TMED5: variants seen among roughly 807,000 people sequenced by gnomAD.
The protein encoded by TMED5 is transmembrane emp24 domain-containing protein 5.
A neutral mutation model predicts 23.0 loss-of-function variants in TMED5; 27 were observed. The ratio of observed to expected loss-of-function variants is 1.17; its 90% CI spans 0.86 to 1.62. The LOEUF is 1.62. Among genes scored for constraint, TMED5 ranks in the 40% most tolerant of loss-of-function variants. TMED5 has a pLI of 0.00. For missense variants in TMED5, 248 were observed against 273.7 expected, an observed-to-expected ratio of 0.91 and a Z score of 0.66; for synonymous variants, 97 against 100.8, an observed-to-expected ratio of 0.96 and a Z score of 0.23.
Position 93,152,230 on chromosome 1 carries a change from G to A in TMED5, c.*2440C>T, listed in dbSNP as rs1647906756. ...TTAGTGTGAGGTGAACACGGTAACTGCTACATTATGGAAATCGGTTGGGCC... is the reference window on the plus strand; with the variant it reads ...TTAGTGTGAGGTGAACACGGTAACTACTACATTATGGAAATCGGTTGGGCC... On this transcript the variant is annotated 3_prime_UTR_variant, in exon 4 of 4. Transcript: ENST00000370282. 6.6e-6 allele frequency: 1 copy of A among 152,566 alleles called. No homozygotes were observed. The highest frequency in any genetic ancestry group is 2.1e-4 in the South Asian group (1 of 4,838). 9.5% of individuals were successfully genotyped at this position (152,566 alleles called of 1,614,324 possible). A position where few individuals can be genotyped will look rare whatever the true frequency, so the allele number is the denominator to read the frequency against.
rs781430997 is a variant in TMED5, at chr1:93,180,214, G to A, written c.29C>T (p.Pro10Leu). The change falls in exon 1 of 4, where the codon CCC (proline) becomes CTC (leucine). Residue 10 changes from proline (P) to leucine (L), a missense_variant. Coordinates refer to ENST00000370282, the MANE Select transcript of TMED5 (RefSeq NM_016040.5). MGDKIWLPF[P>L]VLLLAALPPV... ...AGGCAGAGCGGCCAGAAGGAGCACG[G>A]GGAAGGGCAGCCAGATCTTGTCGCC... 6.8e-6 allele frequency: 11 copies of A among 1,612,682 alleles called. No homozygotes were observed. In the East Asian group the frequency reaches 8.9e-5, roughly 13 times the overall value.
intron 1 of TMED5, among the ~76,000 whole-genome samples, chr1:93,172,781 T>C (rs1308987612): frequency 1.3e-5 from 2 of 152,158 alleles, no homozygotes; most frequent in African/African-American, 4.8e-5. Flanking sequence ...GAAATCAGTA[T>C]GTAAAAGAGA....
At chr1:93,165,625 T>C (rs528814470) in intron 1 of TMED5, among the ~76,000 whole-genome samples, 12 of 152,350 alleles carry the variant, frequency 7.9e-5, no homozygotes, top group African/African-American at 1.7e-4. Flanking sequence ...TGTTTTGATA[T>C]AGGCATGCAA....
intron 1 of TMED5, among the ~76,000 whole-genome samples, chr1:93,166,429 T>G (rs1239265631): frequency 1.3e-5 from 2 of 152,210 alleles, no homozygotes; most frequent in African/African-American, 4.8e-5. Context: ...CAGCATTTGT[T>G]ATTACCTGTC....
intron 1 of TMED5, among the ~76,000 whole-genome samples, chr1:93,170,571 C>G (rs952582375): frequency 6.6e-5 from 10 of 152,218 alleles, no homozygotes; most frequent in Non-Finnish European, 1.5e-4. Flanking sequence ...CCCTGCTCCA[C>G]GGCACCCAGT....
At chr1:93,168,626 G>T (rs1648588453) in intron 1 of TMED5, among the ~76,000 whole-genome samples, 2 of 152,148 alleles carry the variant, frequency 1.3e-5, no homozygotes, top group African/African-American at 4.8e-5. Flanking sequence ...ACGAGGTCAG[G>T]AGATTGAGAC....
intron 2 of TMED5, among the ~76,000 whole-genome samples, chr1:93,157,385 A>G (rs1032802691): frequency 6.6e-6 from 1 of 152,156 alleles, no homozygotes; most frequent in Non-Finnish European, 1.5e-5. Flanking sequence ...AAAATGAATA[A>G]TATCTGAATT....
Position 93,160,147 on chromosome 1 carries a change from T to A in TMED5, c.269A>T (p.Lys90Ile). Residue 90 changes from lysine (K) to isoleucine (I), a missense_variant, in exon 2 of 4, where the codon AAA (lysine) becomes ATA (isoleucine). Lys to Ile is a moderately radical substitution (Grantham distance 102). Transcript: ENST00000370282. Reference sequence around the variant, plus strand: ...TACTTACGTGTGAACTCCATCTGATTTTCTTTGTTCAAAAACTAAGGTTTT... The same window carrying A: ...TACTTACGTGTGAACTCCATCTGATATTCTTTGTTCAAAAACTAAGGTTTT... ...EGKTLVFEQR[K>I]SDGVHTVETE... 2.5e-6 allele frequency: 4 copies of A among 1,611,678 alleles called. No homozygotes were observed. Among genetic ancestry groups the A allele is most frequent in the Non-Finnish European group, 3.4e-6 (4 of 1,178,062 alleles).
chr1:93,180,127 G>GT lies in TMED5; in HGVS notation c.115dup (p.Thr39AsnfsTer35), dbSNP rs1649271493. 4 of 1,613,756 alleles carry GT rather than the reference G, an allele frequency of 2.5e-6. No individual in the cohort carries two copies. The highest frequency in any genetic ancestry group is 3.4e-6 in the Non-Finnish European group (4 of 1,179,874). On this transcript the variant is annotated frameshift_variant, in exon 1 of 4. Coordinates refer to ENST00000370282, the MANE Select transcript of TMED5 (RefSeq NM_016040.5). LOFTEE classifies it high-confidence loss of function. ...GCACTCCTTCTGGCCGGCGGGAAGG[G>GT]TAAAGGTGAAGTCGCTATCGAGGGA...
At chr1:93,159,803 T>G (rs922718403) in intron 2 of TMED5, among the ~76,000 whole-genome samples, 2 of 152,274 alleles carry the variant, frequency 1.3e-5, no homozygotes, top group Middle Eastern at 6.8e-3. Context: ...AACAGTAGCT[T>G]TAAGTTAAAA....
intron 1 of TMED5, among the ~76,000 whole-genome samples, chr1:93,170,371 G>A (rs1000479081): frequency 1.3e-5 from 2 of 152,206 alleles, no homozygotes; most frequent in Non-Finnish European, 2.9e-5. Context: ...GCGGCCGGCC[G>A]GCCTGCAAGC....
In TMED5 at chr1:93,160,186, G is replaced by C. The variant is rs774583596; in HGVS notation, c.230C>G (p.Ala77Gly). Residue 77 changes from alanine (A) to glycine (G), a missense_variant, in exon 2 of 4, where the codon GCC (alanine) becomes GGC (glycine). Coordinates refer to ENST00000370282, the MANE Select transcript of TMED5 (RefSeq NM_016040.5). Reference sequence around the variant, plus strand: ...AACTAAGGTTTTGCCTTCTGGAGAGGCAAGATGGAAATCAATATCTAATCC... The same window carrying C: ...AACTAAGGTTTTGCCTTCTGGAGAGCCAAGATGGAAATCAATATCTAATCC... ...GAGLDIDFHL[A>G]SPEGKTLVFE... 10 of 1,612,804 alleles carry C rather than the reference G, an allele frequency of 6.2e-6. No homozygotes were observed. Among genetic ancestry groups the C allele is most frequent in the Non-Finnish European group, 8.5e-6 (10 of 1,179,294 alleles).
rs138619529 is a variant in TMED5 at position 93,176,800 on chromosome 1, G to A, written c.189+3254C>T. On this transcript the variant is annotated intron_variant, in intron 1 of 3. Coordinates refer to ENST00000370282, the MANE Select transcript of TMED5 (RefSeq NM_016040.5). The stretch of plus-strand genomic sequence containing the variant: ...CCCACCTTGGCCTCCCAAACTGTTG[G>A]GATTACAGGTGTGAGCCACTGCACC... 2.8e-3 allele frequency among the ~76,000 whole-genome samples: 431 copies of A among 152,258 alleles called. 1 individual carries two copies. Among genetic ancestry groups the A allele is most frequent in the Non-Finnish European group, 4.1e-3 (282 of 68,032 alleles).
chr1:93,171,232 C>A (rs1648721123), intron 1 of TMED5, among the ~76,000 whole-genome samples: 1 of 152,088 alleles, frequency 6.6e-6, no homozygotes, highest in Admixed American at 6.5e-5. Flanking sequence ...CAAAGGTCTG[C>A]AGCTTCACTC....
At position 93,160,128 on chromosome 1, in the gene TMED5, C is replaced by T. The variant is rs146147342; in HGVS notation, c.287+1G>A. ...AAACTCAACTAAAAGAGATTACTTACGTGTGAACTCCATCTGATTTTCTTT... is the reference window on the plus strand; with the variant it reads ...AAACTCAACTAAAAGAGATTACTTATGTGTGAACTCCATCTGATTTTCTTT... On this transcript the variant is annotated splice_donor_variant, in intron 2 of 3. Transcript: ENST00000370282. LOFTEE classifies it high-confidence loss of function. The T allele has an allele frequency of 7.5e-6, 12 of 1,598,488 alleles. No homozygotes were observed. In the East Asian group the frequency reaches 1.1e-4, roughly 15 times the overall value.
chr1:93,161,982 G>A (rs1308643350), intron 1 of TMED5: 2 of 151,244 alleles, frequency 1.3e-5, no homozygotes, highest in Non-Finnish European at 2.9e-5. Flanking sequence ...CTGTAGATCT[G>A]TCTGCAAACT....
chr1:93,163,742 G>C (rs547892492), intron 1 of TMED5, among the ~76,000 whole-genome samples: 15 of 151,700 alleles, frequency 9.9e-5, no homozygotes, highest in Non-Finnish European at 2.2e-4. Context: ...TTGGGAGGCT[G>C]AGGTGGGTGG....
chr1:93,172,386 G>A (rs910433780), intron 1 of TMED5, among the ~76,000 whole-genome samples: 1 of 151,938 alleles, frequency 6.6e-6, no homozygotes, highest in Non-Finnish European at 1.5e-5. Context: ...ACATACAATA[G>A]TCAACTGCTT....
chr1:93,173,722 C>T (rs1226564197), intron 1 of TMED5, among the ~76,000 whole-genome samples: 1 of 152,164 alleles, frequency 6.6e-6, no homozygotes, highest in East Asian at 1.9e-4. Flanking sequence ...GAAATCAGTC[C>T]TATTCAGACT....
Sources: gnomAD v4.1 joint callset for allele counts (sites outside exome capture counted in the v4.1 genomes callset) on GRCh38, gnomAD v4.1.1 for gene constraint, MANE v1.5 for transcripts, NCBI Gene and HGNC (gene_info 2026-07-23, HGNC 2026-07-21) for gene names.